OTUD7A: variants seen among roughly 807,000 people sequenced by gnomAD.
OTUD7A encodes the protein OTU domain-containing protein 7A.
Under a neutral mutation model 65.7 loss-of-function variants are expected in OTUD7A, and 12 were observed. The observed-to-expected ratio is 0.18, with a 90% CI of 0.12 to 0.30. The LOEUF (loss-of-function observed/expected upper bound fraction) is 0.30. OTUD7A is among the 10% of genes least tolerant of loss of function. The pLI, the probability that OTUD7A is intolerant of heterozygous loss-of-function variation, is 1.00. For synonymous variants in OTUD7A, 641 were observed against 586.3 expected, an observed-to-expected ratio of 1.09 and a Z score of -1.35; for missense variants, 1,148 against 1,304.8, an observed-to-expected ratio of 0.88 and a Z score of 1.85.
intron 3 of OTUD7A, among the ~76,000 whole-genome samples, chr15:31,587,600 A>G (rs1889585521): frequency 6.6e-6 from 1 of 151,604 alleles, no homozygotes; most frequent in Non-Finnish European, 1.5e-5. Context: ...AGATTGTGCC[A>G]CTGCACTCCA....
intron 9 of OTUD7A, among the ~76,000 whole-genome samples, chr15:31,503,016 G>C (rs528515416): frequency 6.6e-6 from 1 of 152,236 alleles, no homozygotes; most frequent in Non-Finnish European, 1.5e-5. Flanking sequence ...GCACGCTGGA[G>C]GGAGGACAGG....
At chr15:31,583,837 C>A (rs780965812) in intron 3 of OTUD7A, among the ~76,000 whole-genome samples, 1 of 152,202 alleles carries the variant, frequency 6.6e-6, no homozygotes, top group South Asian at 2.1e-4. Flanking sequence ...CTGAACCTCC[C>A]GTAGTTAGCA....
chr15:31,536,153 T>C (rs1887795899), intron 5 of OTUD7A, among the ~76,000 whole-genome samples: 1 of 152,254 alleles, frequency 6.6e-6, no homozygotes, highest in African/African-American at 2.4e-5. Flanking sequence ...ATCTCCAGGC[T>C]GATGGCTACA....
intron 8 of OTUD7A, among the ~76,000 whole-genome samples, chr15:31,515,021 T>G (rs568176387): frequency 1.3e-5 from 2 of 152,324 alleles, no homozygotes; most frequent in East Asian, 3.9e-4. Flanking sequence ...GTTGCTTGTT[T>G]GTCCCTGTCA....
intron 1 of OTUD7A, among the ~76,000 whole-genome samples, chr15:31,735,849 G>C (rs1894175561): frequency 6.6e-6 from 1 of 152,148 alleles, no homozygotes; most frequent in South Asian, 2.1e-4. Context: ...ACAAAATGTG[G>C]TACATAAACA....
chr15:31,536,638 A>G (rs1321561632), intron 5 of OTUD7A, among the ~76,000 whole-genome samples: 1 of 152,128 alleles, frequency 6.6e-6, no homozygotes, highest in Non-Finnish European at 1.5e-5. Flanking sequence ...GTGTAAATAC[A>G]CAGGAGAATA....
At chr15:31,777,647 C>T (rs1159479593) in intron 1 of OTUD7A, among the ~76,000 whole-genome samples, 2 of 152,286 alleles carry the variant, frequency 1.3e-5, no homozygotes, top group African/African-American at 4.8e-5. Context: ...CCCCATCCCC[C>T]ACCCTCAGCC....
At chr15:31,610,617 A>ATATATTTTTTTTTTTTTTT in intron 3 of OTUD7A, among the ~76,000 whole-genome samples, 1 of 30,560 alleles carries the variant, frequency 3.3e-5, no homozygotes, top group Non-Finnish European at 4.9e-5. Context: ...ATATATATAT[A>ATATATTTTTTTTTTTTTTT]TTTTTTTTTT....
At chr15:31,858,811 C>A (rs540128206) in intron 1 of OTUD7A, among the ~76,000 whole-genome samples, 2 of 152,196 alleles carry the variant, frequency 1.3e-5, no homozygotes, top group African/African-American at 4.8e-5. Context: ...CTCTCACAGA[C>A]GTCACTAAAA....
At chr15:31,777,184 T>C (rs1895405668) in intron 1 of OTUD7A, among the ~76,000 whole-genome samples, 1 of 152,122 alleles carries the variant, frequency 6.6e-6, no homozygotes, top group Non-Finnish European at 1.5e-5. Flanking sequence ...ACACGGTGAC[T>C]TCTCCCTGCA....
intron 3 of OTUD7A, among the ~76,000 whole-genome samples, chr15:31,577,926 ACT>A (rs1160188743): frequency 3.3e-5 from 5 of 152,270 alleles, no homozygotes; most frequent in Non-Finnish European, 5.9e-5. Context: ...AACCAGAGAA[ACT>A]CTGAAAAGTA....
chr15:31,683,251 C>T (rs1566973471), intron 1 of OTUD7A, among the ~76,000 whole-genome samples: 1 of 152,040 alleles, frequency 6.6e-6, no homozygotes, highest in Admixed American at 6.6e-5. Context: ...AAAAAATAAA[C>T]ATAAAGGAAA....
rs1393714562 is a variant in OTUD7A, at chr15:31,478,905, C to T, written c.*4389G>A. 6.6e-6 allele frequency: 1 copy of T among 152,368 alleles called. No individual in the cohort carries two copies. The highest frequency in any genetic ancestry group is 1.5e-5 in the Non-Finnish European group (1 of 68,178). 9.4% of individuals were successfully genotyped at this position (152,368 alleles called of 1,614,324 possible). ...AACTACCCAGGACCCACTCCCGAGT[C>T]AGTGAGGCAGCACTGGCAGAAATAC... is the stretch of plus-strand genomic sequence containing the variant. On this transcript the variant is annotated 3_prime_UTR_variant, in exon 13 of 13. Transcript: ENST00000307050.
intron 6 of OTUD7A, 79 bp from the exon 7 acceptor site, chr15:31,527,387 C>A: frequency 6.5e-7 from 1 of 1,536,048 alleles, no homozygotes; most frequent in Non-Finnish European, 8.8e-7. Context: ...CAAACTACCA[C>A]GACCCACTGG....
At chr15:31,610,613 A>ATTTTTT (rs1228282525) in intron 3 of OTUD7A, among the ~76,000 whole-genome samples, 19 of 31,636 alleles carry the variant, frequency 6.0e-4, no homozygotes, top group African/African-American at 1.8e-3. Context: ...ATATATATAT[A>ATTTTTT]TATATTTTTT....
chr15:31,867,216 C>A (rs1308520415), intron 1 of OTUD7A, among the ~76,000 whole-genome samples: 3 of 152,292 alleles, frequency 2.0e-5, no homozygotes, highest in South Asian at 2.1e-4. Context: ...TCAGATAAAG[C>A]ACATTTTAAG....
intron 1 of OTUD7A, among the ~76,000 whole-genome samples, chr15:31,690,262 T>C (rs1299787084): frequency 1.3e-5 from 2 of 152,230 alleles, no homozygotes; most frequent in Non-Finnish European, 2.9e-5. Context: ...CAGTTCTATA[T>C]TATTACTTGT....
intron 3 of OTUD7A, among the ~76,000 whole-genome samples, chr15:31,603,853 T>C (rs182355109): frequency 1.7e-3 from 266 of 152,322 alleles, no homozygotes; most frequent in Admixed American, 4.2e-3. Context: ...AAGCTCATCA[T>C]CACTGCTCAT....
At chr15:31,773,761 T>C (rs1014869371) in intron 1 of OTUD7A, among the ~76,000 whole-genome samples, 2 of 152,334 alleles carry the variant, frequency 1.3e-5, no homozygotes, top group Middle Eastern at 3.4e-3. Flanking sequence ...GGTTTAAATA[T>C]ATGAAATACA....
Sources: allele counts gnomAD v4.1 joint callset (sites outside exome capture counted in the v4.1 genomes callset), GRCh38; gene constraint gnomAD v4.1.1; transcripts MANE v1.5; gene names NCBI Gene and HGNC (gene_info 2026-07-23, HGNC 2026-07-21).